Variants in CHD9 observed in about 807,000 individuals in gnomAD.
CHD9 encodes the protein ATP-dependent chromatin remodeler CHD9.
Under a neutral mutation model 316.1 loss-of-function variants are expected in CHD9, and 77 were observed. That is an observed-to-expected ratio of 0.24 (90% CI 0.20 to 0.29). The LOEUF is 0.29. Ranked by LOEUF, CHD9 falls within the 10% of genes least tolerant of loss-of-function variation. The pLI, the probability that CHD9 is intolerant of heterozygous loss-of-function variation, is 1.00. For missense variants in CHD9, 2,763 were observed against 3,438.1 expected, an observed-to-expected ratio of 0.80 and a Z score of 4.91; for synonymous variants, 1,129 against 1,158.3, an observed-to-expected ratio of 0.97 and a Z score of 0.51.
At position 53,306,343 on chromosome 16, in the gene CHD9, G is replaced by A. The variant is rs769186391; in HGVS notation, c.6726G>A (p.Glu2242=). 2.5e-6 allele frequency: 4 copies of A among 1,610,942 alleles called. No homozygotes were observed. The South Asian group carries it at 4.4e-5, about 18-fold the overall frequency. ...DSFQMNNGTP[E]SAYILQGGYM... ...TTCAGATGAACAATGGGACACCAGA[G>A]TCTGCTTATATCTTACAAGGTGGAT... The change falls in exon 32 of 39, where the codon GAG becomes GAA. Residue 2242 remains glutamate (E), a synonymous_variant. Transcript: ENST00000447540.
intron 2 of CHD9, among the ~76,000 whole-genome samples, chr16:53,178,170 A>G (rs1413975056): frequency 1.3e-5 from 2 of 152,104 alleles, no homozygotes; most frequent in Non-Finnish European, 2.9e-5. Context: ...CCCCAGGAGG[A>G]CTATGGCAAA....
intron 34 of CHD9, among the ~76,000 whole-genome samples, chr16:53,313,442 A>G (rs957315309): frequency 2.6e-5 from 4 of 151,970 alleles, no homozygotes; most frequent in African/African-American, 9.7e-5. Flanking sequence ...AGTAGCTCGT[A>G]TTACAGGTGC....
At chr16:53,208,672 G>C in intron 2 of CHD9, 1 of 991,902 alleles carries the variant, frequency 1.0e-6, no homozygotes, top group Non-Finnish European at 1.2e-6. Flanking sequence ...AATTCCTGAT[G>C]GTTTTTTCCT....
chr16:53,125,218 ATTTTT>A (rs34096444), intron 1 of CHD9, among the ~76,000 whole-genome samples: 1 of 95,760 alleles, frequency 1.0e-5, no homozygotes, highest in Non-Finnish European at 2.0e-5. Flanking sequence ...TCAAGTTAGG[ATTTTT>A]TTTTTTTTTT....
intron 1 of CHD9, among the ~76,000 whole-genome samples, chr16:53,111,338 C>T (rs1224447088): frequency 6.6e-6 from 1 of 152,140 alleles, no homozygotes; most frequent in East Asian, 1.9e-4. Context: ...TCCATTTTCT[C>T]TTTGGGGTTT....
intron 1 of CHD9, among the ~76,000 whole-genome samples, chr16:53,118,795 T>TTC (rs1555486651): frequency 2.1e-5 from 3 of 143,632 alleles, no homozygotes; most frequent in South Asian, 2.2e-4. Context: ...ATAACTTTCT[T>TTC]TTTTTTTTTT....
intron 1 of CHD9, among the ~76,000 whole-genome samples, chr16:53,095,731 T>C (rs1252614865): frequency 6.6e-6 from 1 of 152,226 alleles, no homozygotes; most frequent in Non-Finnish European, 1.5e-5. Context: ...GGGAATTTAC[T>C]GAATCTCCTG....
intron 1 of CHD9, among the ~76,000 whole-genome samples, chr16:53,105,845 C>G (rs917291170): frequency 1.4e-5 from 2 of 143,732 alleles, no homozygotes; most frequent in African/African-American, 5.2e-5. Context: ...TTTTTTGAGA[C>G]TGAGTTTCAC....
At position 53,304,085 on chromosome 16, in the gene CHD9, C is replaced by G; in HGVS notation, c.6079C>G (p.Pro2027Ala). The part of the protein sequence containing the change: ...QQYQVALSAS[P>A]LTSLPRLLDA... Reference sequence around the variant, plus strand: ...ATATCAAGTAGCACTTTCTGCTTCTCCTCTTACCTCTCTACCTAGGCTCCT... The same window carrying G: ...ATATCAAGTAGCACTTTCTGCTTCTGCTCTTACCTCTCTACCTAGGCTCCT... The change falls in exon 31 of 39, where the codon CCT (proline) becomes GCT (alanine). Residue 2027 changes from proline to alanine, a missense_variant. Coordinates refer to ENST00000447540, the MANE Select transcript of CHD9 (RefSeq NM_001308319.2). The G allele has an allele frequency of 1.2e-6, 2 of 1,613,950 alleles. No homozygotes were observed. The highest frequency in any genetic ancestry group is 1.7e-6 in the Non-Finnish European group (2 of 1,179,876).
chr16:53,075,716 G>A (rs1298244010), intron 1 of CHD9, among the ~76,000 whole-genome samples: 1 of 152,186 alleles, frequency 6.6e-6, no homozygotes, highest in Non-Finnish European at 1.5e-5. Context: ...CCCCTGCCAT[G>A]TGGAACTGTA....
At chr16:53,270,352 T>C (rs1181896845) in intron 22 of CHD9, among the ~76,000 whole-genome samples, 1 of 152,036 alleles carries the variant, frequency 6.6e-6, no homozygotes, top group Non-Finnish European at 1.5e-5. Context: ...ATTAGAATGT[T>C]GAATACCAAA....
intron 1 of CHD9, among the ~76,000 whole-genome samples, chr16:53,061,707 G>T (rs1281408315): frequency 1.3e-5 from 2 of 152,174 alleles, no homozygotes; most frequent in Non-Finnish European, 2.9e-5. Context: ...ATTATTGAGG[G>T]TTGTCTTGCT....
rs1427166447 is a variant in CHD9, at chr16:53,171,605, T to TGAGAG, written c.1452+14064_1452+14065insGAGAG. ...TGGCTCATGTTTATAATACTAACAC[T>TGAGAG]TTGGGAGGCCGAGGCAGGTGATCAC... On this transcript the variant is annotated intron_variant, in intron 2 of 38. Coordinates refer to ENST00000447540, the MANE Select transcript of CHD9 (RefSeq NM_001308319.2). Among the ~76,000 whole-genome samples the TGAGAG allele has an allele frequency of 5.3e-5, 8 of 152,026 alleles. No individual in the cohort carries two copies. In the South Asian group the frequency reaches 1.3e-3, roughly 24 times the overall value.
intron 1 of CHD9, among the ~76,000 whole-genome samples, chr16:53,113,505 G>T (rs371107189): frequency 6.6e-6 from 1 of 151,574 alleles, no homozygotes; most frequent in African/African-American, 2.4e-5. Context: ...TAGAGACGGG[G>T]TTTCACCATG....
intron 2 of CHD9, among the ~76,000 whole-genome samples, chr16:53,188,235 G>A (rs1255659113): frequency 6.6e-6 from 1 of 152,140 alleles, no homozygotes; most frequent in Non-Finnish European, 1.5e-5. Flanking sequence ...TCATTTATTA[G>A]TGATGGATAT....
At chr16:53,251,474 T>C (rs933958346) in intron 17 of CHD9, among the ~76,000 whole-genome samples, 1 of 152,200 alleles carries the variant, frequency 6.6e-6, no homozygotes, top group East Asian at 1.9e-4. Context: ...TTTGGCCTCT[T>C]GTACTTCCCC....
intron 1 of CHD9, among the ~76,000 whole-genome samples, chr16:53,147,335 C>T (rs11859517): frequency 0.28 from 42,306 of 152,018 alleles, 5,974 homozygotes; most frequent in Middle Eastern, 0.32. Context: ...ATATTCCTGA[C>T]TTTCAAGATT....
rs2040214679 is a variant in CHD9, at chr16:53,142,693, C to T, written c.-164-13233C>T. ...TGAATCCACACCTAAGCTCCTTCAA[C>T]TATGCCATGACTGGCTCATATTTGC... On this transcript the variant is annotated intron_variant, in intron 1 of 38. Coordinates refer to ENST00000447540, the MANE Select transcript of CHD9 (RefSeq NM_001308319.2). Among the ~76,000 whole-genome samples, 4 of 152,254 alleles carry T rather than the reference C, an allele frequency of 2.6e-5. No individual in the cohort carries two copies. The South Asian group carries it at 6.2e-4, about 24-fold the overall frequency.
At chr16:53,310,283 A>G (rs1021001388) in intron 34 of CHD9, among the ~76,000 whole-genome samples, 1 of 152,166 alleles carries the variant, frequency 6.6e-6, no homozygotes, top group Non-Finnish European at 1.5e-5. Context: ...CAGTCGCCCA[A>G]ATTATACCTT....
Sources: gnomAD v4.1 joint callset for allele counts (sites outside exome capture counted in the v4.1 genomes callset) on GRCh38, gnomAD v4.1.1 for gene constraint, MANE v1.5 for transcripts, NCBI Gene and HGNC (gene_info 2026-07-23, HGNC 2026-07-21) for gene names.